CNTNAP5: variants seen among roughly 807,000 people sequenced by gnomAD.
CNTNAP5 encodes the protein contactin associated protein family member 5, also known as contactin-associated protein-like 5.
In CNTNAP5, 72 loss-of-function variants were observed where a neutral mutation model predicts 150.2. The observed-to-expected ratio is 0.48, with a 90% CI of 0.40 to 0.58. The LOEUF is 0.58. CNTNAP5 is among the 20% of genes least tolerant of loss of function. The probability of loss-of-function intolerance (pLI) is 0.00; values close to 1 mark genes in which losing one functional copy is unlikely to be tolerated. For synonymous variants in CNTNAP5, 672 were observed against 619.8 expected (o/e 1.08, Z -1.25); for missense variants, 1,636 against 1,626.2 (o/e 1.01, Z -0.10).
intron 13 of CNTNAP5, among the ~76,000 whole-genome samples, chr2:124,725,106 A>G (rs926519631): frequency 2.0e-5 from 3 of 151,798 alleles, no homozygotes; most frequent in Non-Finnish European, 4.4e-5. Flanking sequence ...TTCCAACTCA[A>G]TGTTTAAAAA....
Position 124,025,677 on chromosome 2 carries a change from C to T in CNTNAP5, c.27C>T (p.Ser9=). 6.2e-7 allele frequency: 1 copy of T among 1,613,796 alleles called. No individual in the cohort carries two copies. Among genetic ancestry groups the T allele is most frequent in the Non-Finnish European group, 8.5e-7 (1 of 1,179,854 alleles). MDSLPRLT[S]VLTLLFSGLW... The stretch of plus-strand genomic sequence containing the variant: ...TGGATTCTTTACCACGGCTGACCAG[C>T]GTTTTGACTTTGCTGTTCTCTGGCT... Residue 9 remains serine, a synonymous_variant, in exon 1 of 24, where the codon AGC becomes AGT. Coordinates refer to ENST00000682447, the MANE Select transcript of CNTNAP5 (RefSeq NM_001367498.1).
At chr2:124,688,177 C>T (rs190462922) in intron 13 of CNTNAP5, among the ~76,000 whole-genome samples, 9 of 152,090 alleles carry the variant, frequency 5.9e-5, no homozygotes, top group Non-Finnish European at 1.2e-4. Context: ...ACAACAAAGA[C>T]GGCAAGATTC....
At chr2:124,740,288 A>C (rs1172842770) in intron 13 of CNTNAP5, among the ~76,000 whole-genome samples, 4 of 152,132 alleles carry the variant, frequency 2.6e-5, no homozygotes, top group Non-Finnish European at 5.9e-5. Context: ...CAGTTGTGAG[A>C]ATAGTTTCTT....
intron 3 of CNTNAP5, among the ~76,000 whole-genome samples, chr2:124,353,416 G>A (rs1160640854): frequency 6.6e-6 from 1 of 151,402 alleles, no homozygotes; most frequent in Admixed American, 6.6e-5. Context: ...TTATTAGGCT[G>A]GAGGAGCTAA....
At chr2:124,610,699 G>A (rs1465393460) in intron 12 of CNTNAP5, among the ~76,000 whole-genome samples, 2 of 151,810 alleles carry the variant, frequency 1.3e-5, no homozygotes, top group East Asian at 1.9e-4. Flanking sequence ...GATGGCTCAC[G>A]CCTGTAATCC....
intron 1 of CNTNAP5, among the ~76,000 whole-genome samples, chr2:124,060,127 C>A (rs913998913): frequency 3.1e-4 from 47 of 152,052 alleles, no homozygotes; most frequent in African/African-American, 1.1e-3. Context: ...TCAGGGTGGC[C>A]CCTTTACCTT....
At chr2:124,239,222 GC>G (rs1217675726) in intron 2 of CNTNAP5, among the ~76,000 whole-genome samples, 1 of 152,072 alleles carries the variant, frequency 6.6e-6, no homozygotes, top group African/African-American at 2.4e-5. Flanking sequence ...GTTTGGTTTA[GC>G]TTTGATCAGT....
At chr2:124,133,031 G>A (rs1163021856) in intron 1 of CNTNAP5, among the ~76,000 whole-genome samples, 1 of 152,134 alleles carries the variant, frequency 6.6e-6, no homozygotes, top group Non-Finnish European at 1.5e-5. Flanking sequence ...TACAGTGCAT[G>A]TCTTCCATTG....
At chr2:124,651,811 G>A (rs1043784694) in intron 13 of CNTNAP5, among the ~76,000 whole-genome samples, 1 of 152,142 alleles carries the variant, frequency 6.6e-6, no homozygotes, top group Non-Finnish European at 1.5e-5. Context: ...CACATTCCTG[G>A]GCGGCATCAG....
At chr2:124,416,167 A>G (rs1260207354) in intron 3 of CNTNAP5, among the ~76,000 whole-genome samples, 1 of 152,124 alleles carries the variant, frequency 6.6e-6, no homozygotes, top group Non-Finnish European at 1.5e-5. Context: ...AACTTCAGAG[A>G]ATAGCCTTAA....
In CNTNAP5 at chr2:124,918,962, T is replaced by C. The variant is rs554394703; in HGVS notation, c.*4674T>C. On this transcript the variant is annotated 3_prime_UTR_variant, in exon 24 of 24. Transcript: ENST00000682447. ...AATACACATAATGTAATTGAATTAT[T>C]TCTATATACTGTTCTTGAGTCTTTC... is the stretch of plus-strand genomic sequence containing the variant. Among the ~76,000 whole-genome samples, 2 of 152,236 alleles carry C rather than the reference T, an allele frequency of 1.3e-5. No individual in the cohort carries two copies. Among genetic ancestry groups the C allele is most frequent in the South Asian group, 4.1e-4 (2 of 4,828 alleles).
intron 19 of CNTNAP5, among the ~76,000 whole-genome samples, chr2:124,809,372 A>T (rs1420841161): frequency 6.9e-6 from 1 of 145,030 alleles, no homozygotes; most frequent in African/African-American, 2.5e-5. Flanking sequence ...CCATAAAACA[A>T]TAATATGGTA....
chr2:124,292,618 T>C (rs375990215), intron 3 of CNTNAP5, among the ~76,000 whole-genome samples: 39 of 152,188 alleles, frequency 2.6e-4, no homozygotes, highest in African/African-American at 8.4e-4. Flanking sequence ...AAGAGAAGCA[T>C]AGAGGCTTAT....
intron 3 of CNTNAP5, among the ~76,000 whole-genome samples, chr2:124,330,961 A>G (rs1164994448): frequency 6.6e-6 from 1 of 152,166 alleles, no homozygotes; most frequent in Non-Finnish European, 1.5e-5. Flanking sequence ...ATTTTGTTCT[A>G]CTTGATGTTG....
chr2:124,283,780 C>T (rs962295707), intron 3 of CNTNAP5, among the ~76,000 whole-genome samples: 2 of 152,236 alleles, frequency 1.3e-5, no homozygotes, highest in South Asian at 2.1e-4. Flanking sequence ...ATATCTGGTG[C>T]GGGCTTTCTG....
intron 11 of CNTNAP5, among the ~76,000 whole-genome samples, chr2:124,581,856 C>T (rs946277802): frequency 6.6e-6 from 1 of 152,172 alleles, no homozygotes; most frequent in African/African-American, 2.4e-5. Context: ...CTGCATTACA[C>T]CATTCTCCAA....
chr2:124,563,158 TC>T, intron 10 of CNTNAP5, 58 bp from the exon 11 acceptor site: 1 of 1,144,586 alleles, frequency 8.7e-7, no homozygotes. Flanking sequence ...ATTTTTGCTT[TC>T]CCCTTTCTGC....
intron 1 of CNTNAP5, among the ~76,000 whole-genome samples, chr2:124,060,903 A>G (rs17010800): frequency 0.1 from 15,788 of 152,192 alleles, 975 homozygotes; most frequent in East Asian, 0.33. Flanking sequence ...TTTATGACAG[A>G]AAAAACATGC....
At chr2:124,341,504 G>T (rs1186953450) in intron 3 of CNTNAP5, among the ~76,000 whole-genome samples, 1 of 152,130 alleles carries the variant, frequency 6.6e-6, no homozygotes, top group African/African-American at 2.4e-5. Flanking sequence ...GAATGGCAAA[G>T]AATCTCATTA....
Sources: allele counts gnomAD v4.1 joint callset (sites outside exome capture counted in the v4.1 genomes callset), GRCh38; gene constraint gnomAD v4.1.1; transcripts MANE v1.5; gene names NCBI Gene and HGNC (gene_info 2026-07-23, HGNC 2026-07-21).